NRP2: variants seen among roughly 807,000 people sequenced by gnomAD.
NRP2 encodes the protein neuropilin-2.
A neutral mutation model predicts 110.4 loss-of-function variants in NRP2; 52 were observed. The observed-to-expected ratio is 0.47, with a 90% confidence interval of 0.38 to 0.59. The LOEUF is 0.59. NRP2 is among the 20% of genes least tolerant of loss of function. The probability of loss-of-function intolerance (pLI) is 0.00; values close to 1 mark genes in which losing one functional copy is unlikely to be tolerated. For missense variants in NRP2, 1,049 were observed against 1,203.0 expected, an observed-to-expected ratio of 0.87 and a Z score of 1.89; for synonymous variants, 508 against 468.9, an observed-to-expected ratio of 1.08 and a Z score of -1.08.
At chr2:205,701,919 G>A (rs1324632654) in intron 2 of NRP2, among the ~76,000 whole-genome samples, 2 of 152,190 alleles carry the variant, frequency 1.3e-5, no homozygotes, top group East Asian at 3.8e-4. Flanking sequence ...CAATGATTCA[G>A]GCTTTTAATT....
chr2:205,751,671 C>G (rs896725847), intron 11 of NRP2, among the ~76,000 whole-genome samples: 29 of 152,308 alleles, frequency 1.9e-4, no homozygotes, highest in Admixed American at 1.3e-3. Context: ...TGCCCTGCCC[C>G]CCATGAGGTG....
chr2:205,743,661 C>A, intron 9 of NRP2, 109 bp downstream of exon 9: 1 of 1,497,750 alleles, frequency 6.7e-7, no homozygotes. Flanking sequence ...TCATCCAACT[C>A]CTGAAATCCA....
intron 8 of NRP2, among the ~76,000 whole-genome samples, chr2:205,742,522 G>T (rs1320550928): frequency 1.3e-5 from 2 of 152,186 alleles, no homozygotes; most frequent in Non-Finnish European, 2.9e-5. Flanking sequence ...CTTGAGCTTG[G>T]GGGTAAGAAA....
intron 3 of NRP2, among the ~76,000 whole-genome samples, chr2:205,720,886 C>G (rs928903333): frequency 6.6e-6 from 1 of 152,194 alleles, no homozygotes; most frequent in African/African-American, 2.4e-5. Flanking sequence ...GGTGCAGAGC[C>G]TCTGAGATTC....
intron 1 of NRP2, among the ~76,000 whole-genome samples, chr2:205,692,543 T>A (rs1417359738): frequency 1.3e-5 from 2 of 152,224 alleles, no homozygotes; most frequent in East Asian, 3.8e-4. Context: ...CATGCATCAC[T>A]GTTGTTGACA....
intron 2 of NRP2, among the ~76,000 whole-genome samples, chr2:205,710,373 ATT>A (rs2056772229): frequency 6.6e-6 from 1 of 152,202 alleles, no homozygotes. Context: ...ATGGATGGTA[ATT>A]GTAACAGGGC....
At position 205,683,080 on chromosome 2, in the gene NRP2, GC is replaced by G. The variant is rs1294121913; in HGVS notation, c.-210del. The G allele has an allele frequency of 1.6e-5, 9 of 580,072 alleles. No homozygotes were observed. Among genetic ancestry groups the G allele is most frequent in the Non-Finnish European group, 2.8e-5 (9 of 326,306 alleles). The allele number at this position is 580,072 out of a possible 1,614,324, so 35.9% of individuals were successfully genotyped here. On this transcript the variant is annotated 5_prime_UTR_variant, in exon 1 of 17. It introduces an in-frame stop codon into an upstream open reading frame of the 5' UTR. Coordinates refer to ENST00000357785, the MANE Select transcript of NRP2 (RefSeq NM_003872.3). ...TCTCTTCCCGGCTTGTTCCCTCTTTGCTGATTTCAGGAGCTACTCTCCTCCT... is the reference window on the plus strand; with the variant it reads ...TCTCTTCCCGGCTTGTTCCCTCTTTGTGATTTCAGGAGCTACTCTCCTCCT...
At chr2:205,750,078 T>A (rs1212479599) in intron 11 of NRP2, among the ~76,000 whole-genome samples, 1 of 152,194 alleles carries the variant, frequency 6.6e-6, no homozygotes, top group Admixed American at 6.5e-5. Context: ...CCACTAGACA[T>A]CAGGTGAGAC....
Position 205,716,379 on chromosome 2 carries a change from G to A in NRP2, c.433+5G>A. On this transcript the variant is annotated splice_donor_5th_base_variant and intron_variant, in intron 3 of 16. Coordinates refer to ENST00000357785, the MANE Select transcript of NRP2 (RefSeq NM_003872.3). ...GCTACGAGATCTTCAAGACAGGTCA[G>A]TGTGGTCACACGTAGGGGCCGGGAG... The A allele has an allele frequency of 6.2e-7, 1 of 1,613,724 alleles. No individual in the cohort carries two copies. The highest frequency in any genetic ancestry group is 8.5e-7 in the Non-Finnish European group (1 of 1,179,996).
intron 7 of NRP2, 130 bp from the exon 8 acceptor site, chr2:205,740,389 C>G: frequency 2.2e-6 from 2 of 901,630 alleles, no homozygotes; most frequent in Non-Finnish European, 3.6e-6. Flanking sequence ...AAACAACATA[C>G]CCACTGATTA....
rs894523863 is a variant in NRP2, at chr2:205,693,524, GA to G, written c.74-4009del. Among the ~76,000 whole-genome samples, 43 of 143,372 alleles carry G rather than the reference GA, an allele frequency of 3.0e-4. 1 individual carries two copies. Among genetic ancestry groups the G allele is most frequent in the Non-Finnish European group, 4.0e-4 (26 of 65,258 alleles). 94.1% of individuals were successfully genotyped at this position (143,372 alleles called of 152,430 possible). A position where few individuals can be genotyped will look rare whatever the true frequency, so the allele number is the denominator to read the frequency against. ...GAGGTCTAGGTAGAGTTTTGTTCAA[GA>G]AAAAAAAAAAGTACTTCAAAAAAAG... is the stretch of plus-strand genomic sequence containing the variant. On this transcript the variant is annotated intron_variant, in intron 1 of 16. Transcript: ENST00000357785.
chr2:205,743,346 C>T lies in NRP2; in HGVS notation c.1435C>T (p.Pro479Ser), dbSNP rs1237682811. The T allele has an allele frequency of 1.2e-6, 2 of 1,614,218 alleles. No homozygotes were observed. The highest frequency in any genetic ancestry group is 1.7e-6 in the Non-Finnish European group (2 of 1,180,038). Residue 479 changes from proline to serine, a missense_variant, in exon 9 of 17, where the codon CCT becomes TCT. By Grantham distance (74) the Pro-to-Ser change is moderately conservative. Coordinates refer to ENST00000357785, the MANE Select transcript of NRP2 (RefSeq NM_003872.3). ...SSRSGWFPRIPQAQPGEEWLQ... is the reference protein window; with the variant it reads ...SSRSGWFPRISQAQPGEEWLQ... Reference sequence around the variant, plus strand: ...CCGCTCGGGCTGGTTCCCTCGAATCCCTCAGGCCCAGCCCGGTGAGGAGTG... The same window carrying T: ...CCGCTCGGGCTGGTTCCCTCGAATCTCTCAGGCCCAGCCCGGTGAGGAGTG...
At chr2:205,691,268 C>G (rs556828529) in intron 1 of NRP2, among the ~76,000 whole-genome samples, 18 of 152,260 alleles carry the variant, frequency 1.2e-4, no homozygotes, top group African/African-American at 3.9e-4. Flanking sequence ...GCTTCAGCCT[C>G]TCAGATGCAC....
At chr2:205,764,680 G>C (rs905113195) in intron 13 of NRP2, among the ~76,000 whole-genome samples, 32 of 152,338 alleles carry the variant, frequency 2.1e-4, no homozygotes, top group African/African-American at 7.7e-4. Context: ...GGAACCTGGG[G>C]AGGGCGAGCA....
At chr2:205,747,529 T>C (rs943550006) in intron 10 of NRP2, among the ~76,000 whole-genome samples, 2 of 152,220 alleles carry the variant, frequency 1.3e-5, no homozygotes, top group African/African-American at 4.8e-5. Flanking sequence ...ATCTTAACCA[T>C]GGAAGTGCAC....
chr2:205,768,182 C>G (rs2057959068), intron 15 of NRP2: 2 of 152,218 alleles, frequency 1.3e-5, no homozygotes, highest in African/African-American at 4.8e-5. Context: ...TACCACAGTT[C>G]TAAAAGTATT....
intron 11 of NRP2, among the ~76,000 whole-genome samples, chr2:205,751,700 GGTGA>G (rs1045323666): frequency 2.6e-5 from 4 of 152,130 alleles, no homozygotes; most frequent in African/African-American, 7.2e-5. Context: ...TCACCCCTAG[GGTGA>G]GTAATTTGTT....
chr2:205,775,858 G>A (rs889382833), intron 15 of NRP2, among the ~76,000 whole-genome samples: 2 of 152,124 alleles, frequency 1.3e-5, no homozygotes, highest in Non-Finnish European at 2.9e-5. Flanking sequence ...GGAGATGGAG[G>A]GAGAAAGAAT....
intron 9 of NRP2, among the ~76,000 whole-genome samples, chr2:205,744,098 C>T (rs943543371): frequency 6.6e-6 from 1 of 152,060 alleles, no homozygotes; most frequent in Non-Finnish European, 1.5e-5. Flanking sequence ...TTTTGTCACT[C>T]CCATTTTAGA....
Sources: allele counts gnomAD v4.1 joint callset (sites outside exome capture counted in the v4.1 genomes callset), GRCh38; gene constraint gnomAD v4.1.1; transcripts MANE v1.5; gene names NCBI Gene and HGNC (gene_info 2026-07-23, HGNC 2026-07-21).